The following SH3BP2 variants were observed in gnomAD, a reference collection of about 807,000 sequenced individuals.
SH3BP2 encodes SH3 domain binding protein 2, also known as SH3 domain-binding protein 2.
SH3BP2 carries 38 observed loss-of-function variants against 56.2 expected under a neutral mutation model. The ratio of observed to expected loss-of-function variants is 0.68; its 90% CI spans 0.52 to 0.89. The LOEUF (loss-of-function observed/expected upper bound fraction) is 0.89, where lower values mean the gene tolerates loss of function less well. Among genes scored for constraint, SH3BP2 ranks in the 40% least tolerant of loss-of-function variants. The pLI is 0.00. For synonymous variants in SH3BP2, 346 were observed against 316.7 expected (o/e 1.09, Z -0.98); for missense variants, 748 against 762.6 (o/e 0.98, Z 0.23).
At chr4:2,823,296 G>A in intron 3 of SH3BP2, 6 of 567,338 alleles carry the variant, frequency 1.1e-5, no homozygotes, top group South Asian at 9.4e-5. Flanking sequence ...GGCCTGGACA[G>A]CCTGCTCTCC....
intron 1 of SH3BP2, among the ~76,000 whole-genome samples, chr4:2,805,857 C>T (rs371428316): frequency 4.9e-4 from 74 of 152,168 alleles, no homozygotes; most frequent in African/African-American, 1.7e-3. Flanking sequence ...AGGTGGAGGG[C>T]ACTGCTGCTG....
Position 2,829,472 on chromosome 4 carries a change from C to T in SH3BP2, c.587-21C>T. On this transcript the variant is annotated intron_variant, in intron 7 of 12. Coordinates refer to ENST00000503393, the MANE Select transcript of SH3BP2 (RefSeq NM_001122681.2). The surrounding 1 kb of genome is among the most constrained non-coding windows in gnomAD (Gnocchi z 4.9). Reference sequence around the variant, plus strand: ...GGCCCAGTCTCTGTCAGGGTCCAACCCGGGTCTCTTTGCTCTGCAGATGCC... The same window carrying T: ...GGCCCAGTCTCTGTCAGGGTCCAACTCGGGTCTCTTTGCTCTGCAGATGCC... 1 of 1,613,268 alleles carries T rather than the reference C, an allele frequency of 6.2e-7. No homozygotes were observed. Among genetic ancestry groups the T allele is most frequent in the African/African-American group, 1.3e-5 (1 of 74,992 alleles).
At chr4:2,817,492 T>A (rs1405340538) in intron 1 of SH3BP2, among the ~76,000 whole-genome samples, 1 of 151,962 alleles carries the variant, frequency 6.6e-6, no homozygotes, top group African/African-American at 2.4e-5. Context: ...GTGCCCAGGA[T>A]GGACAGCTAG....
At chr4:2,801,879 G>A (rs182881778) in intron 1 of SH3BP2, among the ~76,000 whole-genome samples, 5 of 151,920 alleles carry the variant, frequency 3.3e-5, no homozygotes, top group African/African-American at 4.8e-5. Context: ...AGGCCAAGGC[G>A]GGTGGATTAG....
chr4:2,803,073 C>T (rs750612783), intron 1 of SH3BP2, among the ~76,000 whole-genome samples: 23 of 152,214 alleles, frequency 1.5e-4, no homozygotes, highest in Non-Finnish European at 2.8e-4. Flanking sequence ...CAAGGGAGGC[C>T]GCCAAGACCG....
chr4:2,808,776 A>G (rs1343188703), intron 1 of SH3BP2, among the ~76,000 whole-genome samples: 2 of 60,112 alleles, frequency 3.3e-5, no homozygotes, highest in South Asian at 1.1e-3. Flanking sequence ...GTGCCCACCC[A>G]CCCTCCTAGG....
intron 5 of SH3BP2, chr4:2,826,636 C>CTG (rs761566993): frequency 5.2e-5 from 16 of 305,136 alleles, no homozygotes; most frequent in East Asian, 1.8e-4. Flanking sequence ...GCGTGTTGCT[C>CTG]TGTGTGTGTG....
Position 2,829,729 on chromosome 4 carries a change from C to G in SH3BP2, c.823C>G (p.Arg275Gly). ...TTGCCCCAGGGTACCTGCTACCCCC[C>G]GAAGGATGAGCGATCCCCCTCTGAG... ...EPCPRVPATP[R>G]RMSDPPLSTM... Residue 275 changes from arginine to glycine, a missense_variant, in exon 8 of 13, where the codon CGA becomes GGA. By Grantham distance (125) the Arg-to-Gly change is moderately radical. This residue lies in a region of SH3BP2 where 635 missense variants were observed against 615.0 expected (regional missense o/e 1.03). Coordinates refer to ENST00000503393, the MANE Select transcript of SH3BP2 (RefSeq NM_001122681.2). This position sits in a 1 kb window ranked among gnomAD's most constrained non-coding sequence, Gnocchi z 4.9. The G allele has an allele frequency of 6.2e-7, 1 of 1,612,916 alleles. No homozygotes were observed. Among genetic ancestry groups the G allele is most frequent in the East Asian group, 2.2e-5 (1 of 44,862 alleles).
chr4:2,798,035 C>T (rs1723117603), intron 1 of SH3BP2, among the ~76,000 whole-genome samples: 2 of 152,330 alleles, frequency 1.3e-5, no homozygotes, highest in Middle Eastern at 3.4e-3. Flanking sequence ...CGAAACTCTT[C>T]AGGTTTCCAT....
At chr4:2,830,786 C>G (rs1724942683) in intron 8 of SH3BP2, among the ~76,000 whole-genome samples, 1 of 152,232 alleles carries the variant, frequency 6.6e-6, no homozygotes. Context: ...CCTGCCTTGC[C>G]TGGCAGGCAA....
At position 2,839,201 on chromosome 4, in the gene SH3BP2, T is replaced by A. The variant is rs1173206333; in HGVS notation, c.*5367T>A. 4 of 151,678 alleles carry A rather than the reference T, an allele frequency of 2.6e-5. No individual in the cohort carries two copies. The highest frequency in any genetic ancestry group is 9.7e-5 in the African/African-American group (4 of 41,274). 9.4% of individuals were successfully genotyped at this position (151,678 alleles called of 1,614,324 possible). A position where few individuals can be genotyped will look rare whatever the true frequency, so the allele number is the denominator to read the frequency against. ...TTTTTTTTTTTTCTGAGACAGGGTC[T>A]CACTCTGTTGCCCTGGCTGGAGTGC... On this transcript the variant is annotated 3_prime_UTR_variant, in exon 13 of 13. Coordinates refer to ENST00000503393, the MANE Select transcript of SH3BP2 (RefSeq NM_001122681.2).
chr4:2,832,170 G>T, intron 10 of SH3BP2, 161 bp from the exon 11 acceptor site: 6 of 949,766 alleles, frequency 6.3e-6, no homozygotes, highest in Non-Finnish European at 1.0e-5. Context: ...CCAGGGCTCT[G>T]CTGGGCTGCT....
rs1465176366 is a variant in SH3BP2, at chr4:2,833,277, C to G, written c.1548+228C>G. 1.6e-5 allele frequency: 10 copies of G among 610,702 alleles called. No homozygotes were observed. The African/African-American group carries it at 1.8e-4, about 11-fold the overall frequency. 37.8% of individuals were successfully genotyped at this position (610,702 alleles called of 1,614,324 possible). On this transcript the variant is annotated intron_variant, in intron 12 of 12. Coordinates refer to ENST00000503393, the MANE Select transcript of SH3BP2 (RefSeq NM_001122681.2). ...ACTGACCCTAGTGGGGATGGGCGGT[C>G]AGCCATAGACCCTGGGTTGCTTGTC...
In SH3BP2 at chr4:2,836,600, G is replaced by C. The variant is rs1560116952; in HGVS notation, c.*2766G>C. 6.6e-6 allele frequency: 1 copy of C among 152,272 alleles called. No homozygotes were observed. The highest frequency in any genetic ancestry group is 1.5e-5 in the Non-Finnish European group (1 of 68,080). 9.4% of individuals were successfully genotyped at this position (152,272 alleles called of 1,614,324 possible). Reference sequence around the variant, plus strand: ...TGGCCCCTGCCTGGCTCCCTGCCAGGCTCCCTGCCACCCCTCACGACCTCT... The same window carrying C: ...TGGCCCCTGCCTGGCTCCCTGCCAGCCTCCCTGCCACCCCTCACGACCTCT... On this transcript the variant is annotated 3_prime_UTR_variant, in exon 13 of 13. Transcript: ENST00000503393.
intron 1 of SH3BP2, chr4:2,814,763 G>C (rs1723921203): frequency 6.6e-6 from 1 of 152,222 alleles, no homozygotes; most frequent in Non-Finnish European, 1.5e-5. Flanking sequence ...GGGAAGGAGG[G>C]GCCCCAGGAA....
At chr4:2,812,097 C>T (rs188023785) in intron 1 of SH3BP2, 2 of 1,178,222 alleles carry the variant, frequency 1.7e-6, no homozygotes, top group East Asian at 3.4e-5. Context: ...CCTCTGACCA[C>T]AGGATGGGAG....
chr4:2,826,987 G>A (rs1477914964), intron 5 of SH3BP2: 5 of 666,066 alleles, frequency 7.5e-6, no homozygotes, highest in African/African-American at 1.8e-5. Context: ...GTCAGAGTAT[G>A]TGTGCATGTG....
chr4:2,827,063 GTGTC>G (rs751210381), intron 5 of SH3BP2, 163 bp from the exon 6 acceptor site: 231 of 701,754 alleles, frequency 3.3e-4, no homozygotes, highest in Non-Finnish European at 5.4e-4. Context: ...GTGCATGTGT[GTGTC>G]TGTCAGCTTA....
chr4:2,823,090 T>C, intron 3 of SH3BP2, 53 bp downstream of exon 3: 1 of 1,318,884 alleles, frequency 7.6e-7, no homozygotes, highest in Non-Finnish European at 1.1e-6. Flanking sequence ...AGCGGGTCCC[T>C]CCCAGCAGAG....
Sources: allele counts gnomAD v4.1 joint callset (sites outside exome capture counted in the v4.1 genomes callset), GRCh38; gene constraint gnomAD v4.1.1; regional missense constraint gnomAD v4.1.1; non-coding constraint Gnocchi (gnomAD v3.1); transcripts MANE v1.5; gene names NCBI Gene and HGNC (gene_info 2026-07-23, HGNC 2026-07-21).